The following CHD1L variants were observed in gnomAD, a reference collection of about 807,000 sequenced individuals.
CHD1L encodes the protein chromodomain helicase DNA binding protein 1 like.
A neutral mutation model predicts 115.9 loss-of-function variants in CHD1L; 118 were observed. The observed-to-expected ratio is 1.02, with a 90% CI of 0.88 to 1.19. The LOEUF is 1.19. CHD1L is among the 50% of genes most tolerant of loss of function. The pLI, the probability that CHD1L is intolerant of heterozygous loss-of-function variation, is 0.00. For synonymous variants in CHD1L, 411 were observed against 387.1 expected (o/e 1.06, Z -0.72); for missense variants, 1,179 against 1,065.3 (o/e 1.11, Z -1.49).
chr1:147,274,218 C>T (rs1355861570), intron 12 of CHD1L, among the ~76,000 whole-genome samples: 3 of 152,160 alleles, frequency 2.0e-5, no homozygotes, highest in Non-Finnish European at 4.4e-5. Flanking sequence ...GTAGCAACTA[C>T]TCAACTTCCC....
chr1:147,200,130 T>C, the CHD1L span, among the ~76,000 whole-genome samples: 1 of 152,180 alleles, frequency 6.6e-6, no homozygotes, highest in African/African-American at 2.4e-5. Flanking sequence ...AGGCAGCTGG[T>C]TCCATCATGA....
At chr1:147,259,741 CTT>C (rs1453037078) in intron 5 of CHD1L, 94 bp from the exon 6 acceptor site, 5 of 1,060,210 alleles carry the variant, frequency 4.7e-6, no homozygotes, top group African/African-American at 1.6e-5. Context: ...ACTGTTAAGT[CTT>C]TTTAATAACA....
chr1:147,265,987 G>C lies in CHD1L; in HGVS notation c.795G>C (p.Glu265Asp), dbSNP rs1229050451. 2 of 1,613,618 alleles carry C rather than the reference G, an allele frequency of 1.2e-6. No individual in the cohort carries two copies. Among genetic ancestry groups the C allele is most frequent in the Non-Finnish European group, 1.7e-6 (2 of 1,179,848 alleles). The change falls in exon 8 of 23, where the codon GAG (glutamate) becomes GAC (aspartate). Residue 265 changes from glutamate to aspartate, a missense_variant. Glu to Asp is a conservative substitution (Grantham distance 45). Coordinates refer to ENST00000369258, the MANE Select transcript of CHD1L (RefSeq NM_004284.6). ...TTCTGCTGAGGCGAGTGAAAGCTGA[G>C]GTAGCTACAGAGCTTCCCAAGAAGA... The part of the protein sequence containing the change: ...QPFLLRRVKA[E>D]VATELPKKTE...
chr1:147,190,215 C>T, the CHD1L span: 1 of 1,611,480 alleles, frequency 6.2e-7, no homozygotes, highest in Non-Finnish European at 8.5e-7. Flanking sequence ...ATATTTCTGC[C>T]ATCATTTCAC....
At chr1:147,229,152 G>T in the CHD1L span, among the ~76,000 whole-genome samples, 4 of 152,046 alleles carry the variant, frequency 2.6e-5, no homozygotes, top group East Asian at 1.9e-4. Flanking sequence ...GGTCTAACAT[G>T]TAAGTCTTTA....
the CHD1L span, among the ~76,000 whole-genome samples, chr1:147,202,776 G>T: frequency 6.6e-6 from 1 of 152,106 alleles, no homozygotes; most frequent in Non-Finnish European, 1.5e-5. Context: ...CCAACCTCAT[G>T]ATTTCATCTT....
chr1:147,285,264 A>T (rs1682605983), intron 16 of CHD1L, 60 bp from the exon 17 acceptor site: 3 of 1,547,424 alleles, frequency 1.9e-6, no homozygotes, highest in Admixed American at 1.9e-5. Context: ...TGTGTTAGGG[A>T]TAATGAAATT....
chr1:147,222,916 C>G, the CHD1L span, among the ~76,000 whole-genome samples: 7 of 152,174 alleles, frequency 4.6e-5, no homozygotes. Flanking sequence ...GGCTAAGATG[C>G]TTAGTAAAGA....
chr1:147,286,100 AT>A (rs1553965456), intron 17 of CHD1L, among the ~76,000 whole-genome samples, 197 bp from the exon 18 acceptor site: 3 of 152,226 alleles, frequency 2.0e-5, no homozygotes, highest in African/African-American at 7.2e-5. Flanking sequence ...GGGAGTGCTC[AT>A]TATTGAATTG....
the CHD1L span, among the ~76,000 whole-genome samples, chr1:147,206,178 A>G: frequency 6.6e-6 from 1 of 150,668 alleles, no homozygotes; most frequent in Admixed American, 6.6e-5. Flanking sequence ...GCTCATCATC[A>G]CTGGCCATCA....
In CHD1L at chr1:147,263,354, G is replaced by T. The variant is rs587766096; in HGVS notation, c.577-1068G>T. On this transcript the variant is annotated intron_variant, in intron 6 of 22. Transcript: ENST00000369258. ...CTGAAGTGGGAAGATCACTTGAACC[G>T]GGAGGAGGAGGTTACAGTGAGCCGA... 1.1e-3 allele frequency among the ~76,000 whole-genome samples: 168 copies of T among 151,372 alleles called. 1 individual carries two copies. Among genetic ancestry groups the T allele is most frequent in the African/African-American group, 3.8e-3 (155 of 41,218 alleles).
At chr1:147,245,725 TC>T (rs1666399361) in intron 1 of CHD1L, among the ~76,000 whole-genome samples, 1 of 149,290 alleles carries the variant, frequency 6.7e-6, no homozygotes, top group Admixed American at 6.7e-5. Context: ...AAGGTCTCAC[TC>T]TGTTGCCCAG....
At chr1:147,176,673 T>C in the CHD1L span, among the ~76,000 whole-genome samples, 1 of 152,196 alleles carries the variant, frequency 6.6e-6, no homozygotes, top group Non-Finnish European at 1.5e-5. Context: ...ATTATAGATA[T>C]ACATTACTGG....
chr1:147,241,245 C>T (rs2102182546), upstream of CHD1L, among the ~76,000 whole-genome samples: 1 of 152,298 alleles, frequency 6.6e-6, no homozygotes, highest in South Asian at 2.1e-4. Flanking sequence ...CGTACACATC[C>T]AGATGGCTGG....
At chr1:147,190,398 C>T in the CHD1L span, 32 of 563,856 alleles carry the variant, frequency 5.7e-5, no homozygotes, top group Non-Finnish European at 9.4e-5. Context: ...ATCACCTTAC[C>T]ACCACCACAA....
At chr1:147,211,885 T>C in the CHD1L span, among the ~76,000 whole-genome samples, 24 of 152,342 alleles carry the variant, frequency 1.6e-4, no homozygotes, top group African/African-American at 5.5e-4. Context: ...GATACCCACA[T>C]TGTCTTTGGG....
At chr1:147,188,646 C>T in the CHD1L span, among the ~76,000 whole-genome samples, 3 of 150,594 alleles carry the variant, frequency 2.0e-5, no homozygotes, top group Non-Finnish European at 3.0e-5. Flanking sequence ...TACACATAGT[C>T]GGCCTTTAAT....
the CHD1L span, among the ~76,000 whole-genome samples, chr1:147,217,886 G>A: frequency 6.6e-6 from 1 of 152,134 alleles, no homozygotes; most frequent in African/African-American, 2.4e-5. Context: ...TAGATTGTAA[G>A]CCCCTTGAAT....
At chr1:147,178,230 C>G in the CHD1L span, 1 of 1,613,648 alleles carries the variant, frequency 6.2e-7, no homozygotes, top group South Asian at 1.1e-5. Context: ...AGAGTCGCAT[C>G]TCCGACACGG....
Sources: gnomAD v4.1 joint callset for allele counts (sites outside exome capture counted in the v4.1 genomes callset) on GRCh38, gnomAD v4.1.1 for gene constraint, MANE v1.5 for transcripts, NCBI Gene and HGNC (gene_info 2026-07-23, HGNC 2026-07-21) for gene names.